The following RPH3AL variants were observed in gnomAD, a reference collection of about 807,000 sequenced individuals.
RPH3AL encodes the protein rab effector Noc2.
Under a neutral mutation model 43.1 loss-of-function variants are expected in RPH3AL, and 38 were observed. The ratio of observed to expected loss-of-function variants is 0.88; its 90% CI spans 0.68 to 1.15. The LOEUF (loss-of-function observed/expected upper bound fraction) is 1.15. Among genes scored for constraint, RPH3AL ranks in the 50% most tolerant of loss-of-function variants. The probability of loss-of-function intolerance (pLI) is 0.00; values close to 1 mark genes in which losing one functional copy is unlikely to be tolerated. For synonymous variants in RPH3AL, 189 were observed against 176.3 expected, an observed-to-expected ratio of 1.07 and a Z score of -0.57; for missense variants, 462 against 423.2, an observed-to-expected ratio of 1.09 and a Z score of -0.81.
Position 290,236 on chromosome 17 carries a change from C to A in RPH3AL, c.352-8382G>T, listed in dbSNP as rs1567617932. 6.6e-6 allele frequency among the ~76,000 whole-genome samples: 1 copy of A among 152,236 alleles called. No homozygotes were observed. ...GTCCACATTGAGTGATGCTGACCAGCAGGATTGTGGGAGGCCAAACCAGGG... is the reference window on the plus strand; with the variant it reads ...GTCCACATTGAGTGATGCTGACCAGAAGGATTGTGGGAGGCCAAACCAGGG... On this transcript the variant is annotated intron_variant, in intron 5 of 9. Coordinates refer to ENST00000331302, the MANE Select transcript of RPH3AL (RefSeq NM_006987.4). This position sits in a 1 kb window ranked among gnomAD's most constrained non-coding sequence, Gnocchi z 4.2.
rs773930646 is a variant in RPH3AL, at chr17:319,517, C to T, written c.254G>A (p.Arg85Gln). 49 of 1,612,020 alleles carry T rather than the reference C, an allele frequency of 3.0e-5. No homozygotes were observed. Among genetic ancestry groups the T allele is most frequent in the Admixed American group, 1.2e-4 (7 of 59,986 alleles). ...RLVERLETMR[R>Q]NVMGNGLSQC... ...GGACAGGCCGTTCCCCATCACATTCCGCCTCATGGTCTCCAGCCGCTCCAC... is the reference window on the plus strand; with the variant it reads ...GGACAGGCCGTTCCCCATCACATTCTGCCTCATGGTCTCCAGCCGCTCCAC... Residue 85 changes from arginine to glutamine, a missense_variant, in exon 5 of 10, where the codon CGG (arginine) becomes CAG (glutamine). Transcript: ENST00000331302.
intron 6 of RPH3AL, among the ~76,000 whole-genome samples, chr17:258,283 C>A (rs2042111633): frequency 6.6e-6 from 1 of 152,210 alleles, no homozygotes; most frequent in Admixed American, 6.5e-5. Context: ...CTAGCACACG[C>A]CTCACACATC....
intron 7 of RPH3AL, among the ~76,000 whole-genome samples, chr17:228,838 T>G (rs1261343042): frequency 6.6e-6 from 1 of 152,092 alleles, no homozygotes; most frequent in Non-Finnish European, 1.5e-5. Context: ...CTGTGCCCTC[T>G]CTGGACCCTT....
intron 6 of RPH3AL, among the ~76,000 whole-genome samples, chr17:257,200 T>C (rs77726671): frequency 8.7e-3 from 138 of 15,786 alleles, no homozygotes; most frequent in African/African-American, 9.2e-3. Context: ...AGCCGCACGG[T>C]GTCTGTCCTT....
chr17:248,152 G>T (rs1555540971), intron 6 of RPH3AL, among the ~76,000 whole-genome samples: 1 of 152,170 alleles, frequency 6.6e-6, no homozygotes, highest in Non-Finnish European at 1.5e-5. Context: ...TCTCCTTGGT[G>T]CCATGCCCAG....
intron 5 of RPH3AL, among the ~76,000 whole-genome samples, chr17:286,480 A>G (rs2151614256): frequency 6.6e-6 from 1 of 152,266 alleles, no homozygotes. Context: ...CTACGGAAAG[A>G]CGACACGCTC....
Position 328,259 on chromosome 17 carries a change from C to T in RPH3AL, c.-36-680G>A, listed in dbSNP as rs1567527375. Among the ~76,000 whole-genome samples, 1 of 151,518 alleles carries T rather than the reference C, an allele frequency of 6.6e-6. No individual in the cohort carries two copies. The highest frequency in any genetic ancestry group is 1.5e-5 in the Non-Finnish European group (1 of 67,928). ...TTCACCTGTGCACTGTCTAGTGTGCCGGCTTTCTCCCTGCCTCCCAGGACA... is the reference window on the plus strand; with the variant it reads ...TTCACCTGTGCACTGTCTAGTGTGCTGGCTTTCTCCCTGCCTCCCAGGACA... On this transcript the variant is annotated intron_variant, in intron 2 of 9. Coordinates refer to ENST00000331302, the MANE Select transcript of RPH3AL (RefSeq NM_006987.4). The surrounding 1 kb of genome is among the most constrained non-coding windows in gnomAD (Gnocchi z 4.2).
intron 7 of RPH3AL, among the ~76,000 whole-genome samples, chr17:229,567 C>T (rs1418131167): frequency 6.6e-6 from 1 of 152,234 alleles, no homozygotes; most frequent in Non-Finnish European, 1.5e-5. Context: ...ACGGAGGGAC[C>T]TCAGGGATGC....
Position 264,754 on chromosome 17 carries a change from C to T in RPH3AL, c.438+17014G>A, listed in dbSNP as rs1334146922. Among the ~76,000 whole-genome samples, 1 of 152,176 alleles carries T rather than the reference C, an allele frequency of 6.6e-6. No homozygotes were observed. Among genetic ancestry groups the T allele is most frequent in the East Asian group, 1.9e-4 (1 of 5,192 alleles). On this transcript the variant is annotated intron_variant, in intron 6 of 9. Transcript: ENST00000331302. The surrounding 1 kb of genome is among the most constrained non-coding windows in gnomAD (Gnocchi z 4.8). ...ATCAGCAAAAATGGAACACAGAATGCAGCCATTCTTCCCCAAACACCTGTT... is the reference window on the plus strand; with the variant it reads ...ATCAGCAAAAATGGAACACAGAATGTAGCCATTCTTCCCCAAACACCTGTT...
chr17:313,749 G>C (rs73284676), intron 5 of RPH3AL, among the ~76,000 whole-genome samples: 14,738 of 152,210 alleles, frequency 0.097, 1,516 homozygotes, highest in African/African-American at 0.26. Context: ...ACCCAGAACA[G>C]GGCTTGCACA....
chr17:294,622 A>AG (rs1252088931), intron 5 of RPH3AL, among the ~76,000 whole-genome samples: 45 of 103,940 alleles, frequency 4.3e-4, no homozygotes, highest in Non-Finnish European at 4.7e-4. Context: ...GGAGGGACAC[A>AG]GATGCTGCAG....
At chr17:312,924 G>A (rs930072128) in intron 5 of RPH3AL, among the ~76,000 whole-genome samples, 2 of 152,172 alleles carry the variant, frequency 1.3e-5, no homozygotes, top group South Asian at 2.1e-4. Flanking sequence ...GCAGGAACAC[G>A]GAGGCACTCC....
At chr17:260,048 T>C (rs1307607890) in intron 6 of RPH3AL, among the ~76,000 whole-genome samples, 2 of 152,252 alleles carry the variant, frequency 1.3e-5, no homozygotes, top group African/African-American at 4.8e-5. Context: ...CTTCCATGTG[T>C]CACTCCCTCT....
rs2042596858 is a variant in RPH3AL at position 274,097 on chromosome 17, G to C, written c.438+7671C>G. Among the ~76,000 whole-genome samples the C allele has an allele frequency of 1.3e-5, 2 of 152,178 alleles. No individual in the cohort carries two copies. Among genetic ancestry groups the C allele is most frequent in the South Asian group, 2.1e-4 (1 of 4,824 alleles). On this transcript the variant is annotated intron_variant, in intron 6 of 9. Coordinates refer to ENST00000331302, the MANE Select transcript of RPH3AL (RefSeq NM_006987.4). The surrounding 1 kb of genome is among the most constrained non-coding windows in gnomAD (Gnocchi z 4.7). The stretch of plus-strand genomic sequence containing the variant: ...TTCTTCGTTTTCGTTTAGTGGATAG[G>C]GATTCGAGGCTAAACAGTAAATGAA...
At chr17:301,778 C>A (rs2043334654) in intron 5 of RPH3AL, among the ~76,000 whole-genome samples, 2 of 152,248 alleles carry the variant, frequency 1.3e-5, no homozygotes, top group South Asian at 4.2e-4. Flanking sequence ...CCACGCCTGG[C>A]CTGTAGGCAA....
intron 6 of RPH3AL, among the ~76,000 whole-genome samples, chr17:269,790 T>A (rs938073633): frequency 3.3e-5 from 5 of 152,218 alleles, no homozygotes; most frequent in Non-Finnish European, 7.3e-5. Flanking sequence ...TGGAGCACTG[T>A]GCTGAAAGAG....
At chr17:327,638 G>C in intron 2 of RPH3AL, 59 bp from the exon 3 acceptor site, 6 of 1,122,270 alleles carry the variant, frequency 5.3e-6, no homozygotes, top group Non-Finnish European at 7.9e-6. Flanking sequence ...ACAGATGGCA[G>C]ACAGGTTCTC....
At chr17:236,919 C>T (rs1172447189) in intron 7 of RPH3AL, among the ~76,000 whole-genome samples, 3 of 152,384 alleles carry the variant, frequency 2.0e-5, no homozygotes, top group South Asian at 2.1e-4. Context: ...ACAGCCTGGC[C>T]GCCTACAGGA....
In RPH3AL at chr17:215,299, G is replaced by C. The variant is rs146421258; in HGVS notation, c.876+355C>G. On this transcript the variant is annotated intron_variant, in intron 9 of 9. Transcript: ENST00000331302. This position sits in a 1 kb window ranked among gnomAD's most constrained non-coding sequence, Gnocchi z 4.1. ...AGGATTCTCCCCTCACTCTCTCTCT[G>C]TGCCTTGGTTTCTACACCCATCAAA... 2.0e-3 allele frequency among the ~76,000 whole-genome samples: 300 copies of C among 152,288 alleles called. No homozygotes were observed. The highest frequency in any genetic ancestry group is 3.4e-3 in the Non-Finnish European group (231 of 68,020).
Sources: gnomAD v4.1 joint callset for allele counts (sites outside exome capture counted in the v4.1 genomes callset) on GRCh38, gnomAD v4.1.1 for gene constraint, Gnocchi (gnomAD v3.1) non-coding constraint, MANE v1.5 for transcripts, NCBI Gene and HGNC (gene_info 2026-07-23, HGNC 2026-07-21) for gene names.